The following CSMD1 variants were observed in gnomAD, a reference collection of about 807,000 sequenced individuals.
The protein encoded by CSMD1 is CUB and Sushi multiple domains 1, also known as CUB and sushi domain-containing protein 1.
Under a neutral mutation model 417.5 loss-of-function variants are expected in CSMD1, and 213 were observed. That is an observed-to-expected ratio of 0.51 (90% CI 0.46 to 0.57). CSMD1 has a LOEUF of 0.57. Among genes scored for constraint, CSMD1 ranks in the 20% least tolerant of loss-of-function variants. The pLI is 0.00. For synonymous variants in CSMD1, 2,862 were observed against 1,736.8 expected (o/e 1.65, Z -16.11); for missense variants, 6,923 against 4,529.7 (o/e 1.53, Z -15.17).
chr8:3,296,797 G>GA (rs1309621136), intron 25 of CSMD1, among the ~76,000 whole-genome samples: 1 of 152,142 alleles, frequency 6.6e-6, no homozygotes, highest in Non-Finnish European at 1.5e-5. Flanking sequence ...AGTGAACTGA[G>GA]AAACGGTGCA....
At chr8:3,634,842 A>C (rs928679194) in intron 7 of CSMD1, among the ~76,000 whole-genome samples, 1 of 152,162 alleles carries the variant, frequency 6.6e-6, no homozygotes, top group African/African-American at 2.4e-5. Flanking sequence ...TTTTGCAAAC[A>C]TCACACAGTG....
intron 11 of CSMD1, among the ~76,000 whole-genome samples, chr8:3,484,783 T>G (rs1159655892): frequency 6.6e-6 from 1 of 152,228 alleles, no homozygotes; most frequent in African/African-American, 2.4e-5. Flanking sequence ...TTAGACATTT[T>G]GCCAAAGAGG....
At chr8:3,498,006 G>C (rs1236010621) in intron 10 of CSMD1, among the ~76,000 whole-genome samples, 1 of 152,160 alleles carries the variant, frequency 6.6e-6, no homozygotes, top group African/African-American at 2.4e-5. Context: ...ATTTTTATTA[G>C]CTTTTCCTCA....
At position 4,765,396 on chromosome 8, in the gene CSMD1, G is replaced by A. The variant is rs190527616; in HGVS notation, c.86-127838C>T. Reference sequence around the variant, plus strand: ...TCATCGGATTGTCAGATAATACATTGAGGATTATAGTCTTTCAAGATAATT... The same window carrying A: ...TCATCGGATTGTCAGATAATACATTAAGGATTATAGTCTTTCAAGATAATT... On this transcript the variant is annotated intron_variant, in intron 1 of 69. Coordinates refer to ENST00000635120, the MANE Select transcript of CSMD1 (RefSeq NM_033225.6). Among the ~76,000 whole-genome samples, 24 of 152,312 alleles carry A rather than the reference G, an allele frequency of 1.6e-4. No individual in the cohort carries two copies. The East Asian group carries it at 3.9e-3, about 24-fold the overall frequency.
chr8:3,456,133 G>C (rs182066766), intron 12 of CSMD1, among the ~76,000 whole-genome samples: 59 of 152,324 alleles, frequency 3.9e-4, no homozygotes, highest in African/African-American at 1.4e-3. Flanking sequence ...TAATCTCCTG[G>C]TGTGCCATTT....
intron 1 of CSMD1, among the ~76,000 whole-genome samples, chr8:4,642,474 T>C (rs1803255996): frequency 6.6e-6 from 1 of 152,168 alleles, no homozygotes. Context: ...TCCTAGAAAG[T>C]AGCAGCTGAG....
chr8:4,322,657 T>C (rs1799336266), intron 3 of CSMD1, among the ~76,000 whole-genome samples: 1 of 152,200 alleles, frequency 6.6e-6, no homozygotes, highest in Non-Finnish European at 1.5e-5. Context: ...ATAATCACTG[T>C]CTACAGAATA....
chr8:4,003,189 C>G (rs764611413), intron 4 of CSMD1, among the ~76,000 whole-genome samples: 3 of 151,954 alleles, frequency 2.0e-5, no homozygotes, highest in Admixed American at 6.6e-5. Flanking sequence ...GTCAGGAGAT[C>G]GAGACCATCC....
intron 3 of CSMD1, among the ~76,000 whole-genome samples, chr8:4,102,061 G>C (rs528219933): frequency 6.6e-6 from 1 of 152,132 alleles, no homozygotes; most frequent in African/African-American, 2.4e-5. Flanking sequence ...TCTGAGATCA[G>C]CAAGTTTTAC....
chr8:3,507,418 G>A (rs907199372), intron 10 of CSMD1, among the ~76,000 whole-genome samples: 1 of 152,082 alleles, frequency 6.6e-6, no homozygotes, highest in Non-Finnish European at 1.5e-5. Context: ...TGGACATTTG[G>A]GTTGGTTCCA....
chr8:3,353,520 C>G (rs568084681), intron 21 of CSMD1, among the ~76,000 whole-genome samples: 2 of 152,144 alleles, frequency 1.3e-5, no homozygotes, highest in African/African-American at 4.8e-5. Flanking sequence ...ATGGATGTGT[C>G]AAAGAAACTG....
chr8:3,277,780 G>C (rs1338792341), intron 26 of CSMD1, among the ~76,000 whole-genome samples: 1 of 152,132 alleles, frequency 6.6e-6, no homozygotes, highest in Non-Finnish European at 1.5e-5. Flanking sequence ...GTTTCCTTAG[G>C]AGTACCAGAA....
At chr8:4,057,864 G>A (rs190872087) in intron 3 of CSMD1, among the ~76,000 whole-genome samples, 1 of 152,248 alleles carries the variant, frequency 6.6e-6, no homozygotes, top group East Asian at 1.9e-4. Flanking sequence ...CATTATTTCT[G>A]CAGGCTGTGT....
At chr8:3,390,786 G>T (rs899998035) in intron 17 of CSMD1, among the ~76,000 whole-genome samples, 1 of 152,016 alleles carries the variant, frequency 6.6e-6, no homozygotes, top group Admixed American at 6.6e-5. Context: ...GATATGAGCA[G>T]GGTTCTGTAT....
intron 20 of CSMD1, 45 bp from the exon 21 acceptor site, chr8:3,359,385 A>G: frequency 7.0e-7 from 1 of 1,436,390 alleles, no homozygotes; most frequent in Non-Finnish European, 9.7e-7. Context: ...ATTTGGGTAA[A>G]TACACAAAGA....
At chr8:4,088,835 G>A (rs1480495093) in intron 3 of CSMD1, among the ~76,000 whole-genome samples, 1 of 151,948 alleles carries the variant, frequency 6.6e-6, no homozygotes, top group African/African-American at 2.4e-5. Context: ...CCTCCCTCTG[G>A]AATCACTAGT....
intron 2 of CSMD1, among the ~76,000 whole-genome samples, chr8:4,485,211 G>T (rs532478047): frequency 2.0e-5 from 3 of 152,098 alleles, no homozygotes; most frequent in South Asian, 2.1e-4. Context: ...TTCACCTCTA[G>T]GATCCTACTT....
chr8:4,107,910 A>G (rs1801649821), intron 3 of CSMD1, among the ~76,000 whole-genome samples: 1 of 152,196 alleles, frequency 6.6e-6, no homozygotes, highest in Non-Finnish European at 1.5e-5. Flanking sequence ...AACTGAAACA[A>G]ATAACATTTT....
At chr8:4,423,825 A>C (rs550721917) in intron 2 of CSMD1, among the ~76,000 whole-genome samples, 2 of 152,254 alleles carry the variant, frequency 1.3e-5, no homozygotes, top group East Asian at 3.9e-4. Context: ...TTTTATATCT[A>C]CAACGGTTAA....
Sources: allele counts gnomAD v4.1 joint callset (sites outside exome capture counted in the v4.1 genomes callset), GRCh38; gene constraint gnomAD v4.1.1; transcripts MANE v1.5; gene names NCBI Gene and HGNC (gene_info 2026-07-23, HGNC 2026-07-21).